Variants in LYST observed in about 807,000 individuals in gnomAD.
LYST encodes lysosomal-trafficking regulator.
A neutral mutation model predicts 413.6 loss-of-function variants in LYST; 192 were observed. That is an observed-to-expected ratio of 0.46 (90% confidence interval 0.41 to 0.52). The LOEUF is 0.52. Among genes scored for constraint, LYST ranks in the 20% least tolerant of loss-of-function variants. The pLI, the probability that LYST is intolerant of heterozygous loss-of-function variation, is 0.00. For missense variants in LYST, 3,815 were observed against 4,499.9 expected, an observed-to-expected ratio of 0.85 and a Z score of 4.35; for synonymous variants, 1,525 against 1,567.3, an observed-to-expected ratio of 0.97 and a Z score of 0.64.
chr1:235,704,666 G>A (rs1265304658), intron 44 of LYST, among the ~76,000 whole-genome samples: 1 of 152,056 alleles, frequency 6.6e-6, no homozygotes, highest in African/African-American at 2.4e-5. Flanking sequence ...TTTGTCAGAT[G>A]TACAGTTTGC....
rs547169022 is a variant in LYST, at chr1:235,707,412, T to C, written c.10143+1679A>G. 2.6e-5 allele frequency among the ~76,000 whole-genome samples: 4 copies of C among 152,044 alleles called. No individual in the cohort carries two copies. In the East Asian group the frequency reaches 7.7e-4, roughly 29 times the overall value. ...GAGGCTGAGGTGGTGGATCACGAGG[T>C]CAGGAGTTTGAGACCAGTCTGGCCA... On this transcript the variant is annotated intron_variant, in intron 44 of 52. Coordinates refer to ENST00000389793, the MANE Select transcript of LYST (RefSeq NM_000081.4).
At chr1:235,776,108 T>G (rs1184938865) in intron 17 of LYST, among the ~76,000 whole-genome samples, 1 of 152,098 alleles carries the variant, frequency 6.6e-6, no homozygotes, top group African/African-American at 2.4e-5. Context: ...TATACGATGG[T>G]ACAAAATATC....
In LYST at chr1:235,806,694, A is replaced by C; in HGVS notation, c.2442T>G (p.Ser814Arg). ...IELNCLNGIRSHSLKAFETLI... is the reference protein window; with the variant it reads ...IELNCLNGIRRHSLKAFETLI... ...GAGTTTCAAATGCTTTTAGAGAATG[A>C]CTTCGAATACCATTTAAGCAATTTA... The change falls in exon 6 of 53, where the codon AGT becomes AGG. Residue 814 changes from serine to arginine, a missense_variant. Coordinates refer to ENST00000389793, the MANE Select transcript of LYST (RefSeq NM_000081.4). The C allele has an allele frequency of 6.2e-7, 1 of 1,613,416 alleles. No individual in the cohort carries two copies.
chr1:235,722,990 A>T (rs1243228042), intron 39 of LYST, among the ~76,000 whole-genome samples: 2 of 152,220 alleles, frequency 1.3e-5, no homozygotes, highest in East Asian at 3.8e-4. Context: ...GCAAGAAATG[A>T]TAGTGGCTTA....
At position 235,753,157 on chromosome 1, in the gene LYST, T is replaced by C; in HGVS notation, c.7347A>G (p.Leu2449=). ...YDNILLHNAL[L]LLLQILNSCS... Reference sequence around the variant, plus strand: ...AAGAATTTAAAATTTGGAGAAGAAGTAAAAGAGCATTATGCAAGAGTATGT... The same window carrying C: ...AAGAATTTAAAATTTGGAGAAGAAGCAAAAGAGCATTATGCAAGAGTATGT... Residue 2449 remains leucine, a synonymous_variant, in exon 26 of 53, where the codon TTA becomes TTG. Transcript: ENST00000389793. 1.2e-6 allele frequency: 2 copies of C among 1,606,988 alleles called. No individual in the cohort carries two copies. Among genetic ancestry groups the C allele is most frequent in the Non-Finnish European group, 1.7e-6 (2 of 1,173,822 alleles).
chr1:235,834,411 TA>T (rs926910716), intron 1 of LYST, among the ~76,000 whole-genome samples: 5 of 151,530 alleles, frequency 3.3e-5, no homozygotes, highest in African/African-American at 4.8e-5. Flanking sequence ...TATTTTTATT[TA>T]AAAAAAAATG....
intron 1 of LYST, among the ~76,000 whole-genome samples, chr1:235,859,045 C>T (rs1024482864): frequency 5.9e-5 from 9 of 152,188 alleles, no homozygotes; most frequent in African/African-American, 1.7e-4. Flanking sequence ...CTCAAGCATA[C>T]TCCAACCCAT....
chr1:235,817,067 AACAG>A (rs1407138015), intron 3 of LYST, among the ~76,000 whole-genome samples: 2 of 152,216 alleles, frequency 1.3e-5, no homozygotes, highest in African/African-American at 4.8e-5. Context: ...AAAGGACACG[AACAG>A]ACACTTTTCA....
intron 47 of LYST, among the ~76,000 whole-genome samples, chr1:235,687,819 G>A (rs1660335957): frequency 6.6e-6 from 1 of 152,156 alleles, no homozygotes; most frequent in Non-Finnish European, 1.5e-5. Context: ...TTCTGATTCA[G>A]AGAAAGAAAT....
chr1:235,697,231 G>A lies in LYST; in HGVS notation c.10416C>T (p.Tyr3472=), dbSNP rs757982705. ...GTACTGGAGCACTGGGGGAACCCACGTATTCCCCCCATTTCAAGCCTTTTA... is the reference window on the plus strand; with the variant it reads ...GTACTGGAGCACTGGGGGAACCCACATATTCCCCCCATTTCAAGCCTTTTA... ...SWIKGLKWGE[Y]VGSPSAPVPV... is the part of the protein sequence containing the mutation. The change falls in exon 46 of 53, where the codon TAC becomes TAT. Residue 3472 remains tyrosine (Y), a synonymous_variant. Transcript: ENST00000389793. 3.3e-5 allele frequency: 53 copies of A among 1,613,910 alleles called. No homozygotes were observed. The highest frequency in any genetic ancestry group is 4.0e-5 in the Non-Finnish European group (47 of 1,179,978).
chr1:235,761,964 G>T (rs1026483558), intron 22 of LYST, among the ~76,000 whole-genome samples: 2 of 126,688 alleles, frequency 1.6e-5, no homozygotes, highest in Non-Finnish European at 3.2e-5. Flanking sequence ...CACACACCAG[G>T]GCCTGTTGTC....
intron 1 of LYST, among the ~76,000 whole-genome samples, chr1:235,880,047 T>C (rs1262218717): frequency 6.6e-6 from 1 of 152,138 alleles, no homozygotes; most frequent in Non-Finnish European, 1.5e-5. Flanking sequence ...TGAGAATGGA[T>C]CTAAGTTTCT....
chr1:235,794,234 C>T (rs563225930), intron 10 of LYST, among the ~76,000 whole-genome samples: 5 of 152,142 alleles, frequency 3.3e-5, no homozygotes, highest in Non-Finnish European at 7.4e-5. Context: ...GCTAATGCTT[C>T]TATATCATAA....
intron 12 of LYST, among the ~76,000 whole-genome samples, chr1:235,789,462 C>T (rs1553298870): frequency 6.6e-6 from 1 of 152,184 alleles, no homozygotes; most frequent in Non-Finnish European, 1.5e-5. Context: ...TCCTCTTCCT[C>T]ATCTTTGAAA....
intron 29 of LYST, among the ~76,000 whole-genome samples, chr1:235,744,948 T>A (rs1021419675): frequency 4.7e-5 from 7 of 149,328 alleles, no homozygotes; most frequent in African/African-American, 1.7e-4. Context: ...GCTAAAAAAA[T>A]AATAATAACT....
chr1:235,680,429 A>AT (rs111680478), intron 48 of LYST, among the ~76,000 whole-genome samples: 422 of 145,616 alleles, frequency 2.9e-3, no homozygotes, highest in African/African-American at 4.1e-3. Flanking sequence ...TACTTTTTAA[A>AT]TTTTTTTTTT....
At chr1:235,865,681 T>G (rs1405979606) in intron 1 of LYST, among the ~76,000 whole-genome samples, 1 of 152,328 alleles carries the variant, frequency 6.6e-6, no homozygotes, top group Middle Eastern at 3.4e-3. Flanking sequence ...TTAAAACAGA[T>G]ACCCCATATT....
upstream of LYST, among the ~76,000 whole-genome samples, chr1:235,867,552 T>TC (rs1230807178): frequency 2.6e-5 from 4 of 152,162 alleles, no homozygotes; most frequent in African/African-American, 9.7e-5. Flanking sequence ...CGACTCCTGT[T>TC]CAAACACGGT....
intron 18 of LYST, 119 bp downstream of exon 18, chr1:235,774,794 A>C: frequency 1.5e-6 from 1 of 673,422 alleles, no homozygotes; most frequent in African/African-American, 1.8e-5. Context: ...ATACACTAAT[A>C]AGTTTCCTCC....
Sources: gnomAD v4.1 joint callset for allele counts (sites outside exome capture counted in the v4.1 genomes callset) on GRCh38, gnomAD v4.1.1 for gene constraint, MANE v1.5 for transcripts, NCBI Gene and HGNC (gene_info 2026-07-23, HGNC 2026-07-21) for gene names.